RPS6KA2: variants seen among roughly 807,000 people sequenced by gnomAD.
The protein encoded by RPS6KA2 is ribosomal protein S6 kinase A2, also known as ribosomal protein S6 kinase alpha-2.
RPS6KA2 carries 42 observed loss-of-function variants against 91.8 expected under a neutral mutation model. The observed-to-expected ratio is 0.46, with a 90% CI of 0.36 to 0.59. The LOEUF is 0.59. RPS6KA2 is among the 20% of genes least tolerant of loss of function. The probability of loss-of-function intolerance (pLI) is 0.00; values close to 1 mark genes in which losing one functional copy is unlikely to be tolerated. For missense variants in RPS6KA2, 798 were observed against 978.5 expected, an observed-to-expected ratio of 0.82 and a Z score of 2.46; for synonymous variants, 414 against 393.6, an observed-to-expected ratio of 1.05 and a Z score of -0.61.
At position 166,418,732 on chromosome 6, in the gene RPS6KA2, T is replaced by G. The variant is rs571045920; in HGVS notation, c.1821-390A>C. On this transcript the variant is annotated intron_variant, in intron 18 of 20. Coordinates refer to ENST00000265678, the MANE Select transcript of RPS6KA2 (RefSeq NM_021135.6). This position sits in a 1 kb window ranked among gnomAD's most constrained non-coding sequence, Gnocchi z 4.9. Reference sequence around the variant, plus strand: ...CCCACGGTGGATGTATTCCCAACTCTGTGTTCTTTGACAAGTTAACTTTTT... The same window carrying G: ...CCCACGGTGGATGTATTCCCAACTCGGTGTTCTTTGACAAGTTAACTTTTT... Among the ~76,000 whole-genome samples the G allele has an allele frequency of 3.4e-4, 52 of 152,384 alleles. No homozygotes were observed. Among genetic ancestry groups the G allele is most frequent in the Non-Finnish European group, 5.1e-4 (35 of 68,032 alleles).
intron 11 of RPS6KA2, among the ~76,000 whole-genome samples, chr6:166,461,550 G>A (rs1780300834): frequency 8.2e-6 from 1 of 122,188 alleles, no homozygotes; most frequent in African/African-American, 3.0e-5. Flanking sequence ...GGGGGTGGGG[G>A]GAGAAAGAGA....
intron 8 of RPS6KA2, among the ~76,000 whole-genome samples, chr6:166,497,440 C>T (rs931277802): frequency 1.3e-5 from 2 of 152,240 alleles, no homozygotes; most frequent in African/African-American, 4.8e-5. Flanking sequence ...TGCGAACTGG[C>T]TTTCTGGGTT....
At chr6:166,543,330 C>T (rs775348872) in intron 1 of RPS6KA2, among the ~76,000 whole-genome samples, 6 of 152,180 alleles carry the variant, frequency 3.9e-5, no homozygotes, top group Non-Finnish European at 7.3e-5. Flanking sequence ...TCAGAATCAC[C>T]CCAAGGAACT....
chr6:166,619,853 G>C (rs754197862), intron 1 of RPS6KA2, among the ~76,000 whole-genome samples: 43 of 152,358 alleles, frequency 2.8e-4, no homozygotes, highest in Non-Finnish European at 5.9e-4. Flanking sequence ...CCTGGGCTGA[G>C]AGCATTAAAA....
At chr6:166,556,474 C>A (rs1226746570) in intron 1 of RPS6KA2, among the ~76,000 whole-genome samples, 2 of 152,198 alleles carry the variant, frequency 1.3e-5, no homozygotes, top group Non-Finnish European at 2.9e-5. Context: ...TGTAAGCACA[C>A]TAACCCTTCA....
intron 3 of RPS6KA2, among the ~76,000 whole-genome samples, chr6:166,520,039 A>G (rs1209796367): frequency 6.6e-6 from 1 of 152,138 alleles, no homozygotes; most frequent in African/African-American, 2.4e-5. Context: ...CAGCCCACTG[A>G]GGGCCAGAAT....
intron 2 of RPS6KA2, among the ~76,000 whole-genome samples, chr6:166,755,853 A>G (rs918959158): frequency 1.3e-5 from 2 of 152,194 alleles, no homozygotes; most frequent in Non-Finnish European, 2.9e-5. Context: ...GAGCTGGGTA[A>G]GGAGCTGGAA....
At chr6:166,615,262 C>A (rs186481538) in intron 1 of RPS6KA2, among the ~76,000 whole-genome samples, 1 of 152,200 alleles carries the variant, frequency 6.6e-6, no homozygotes, top group East Asian at 1.9e-4. Flanking sequence ...CTGAGCCATG[C>A]GACTCCCGCA....
chr6:166,713,244 C>G (rs1030856860), intron 2 of RPS6KA2, among the ~76,000 whole-genome samples: 31 of 152,232 alleles, frequency 2.0e-4, no homozygotes, highest in African/African-American at 7.2e-4. Context: ...ACTTGGATCT[C>G]CGGGTATCAG....
intron 11 of RPS6KA2, among the ~76,000 whole-genome samples, chr6:166,464,500 C>T (rs1163213129): frequency 6.6e-6 from 1 of 152,186 alleles, no homozygotes; most frequent in East Asian, 1.9e-4. Context: ...ACAAAGATGT[C>T]CCTCCCTGGT....
intron 2 of RPS6KA2, among the ~76,000 whole-genome samples, chr6:166,853,022 A>G (rs1780786732): frequency 6.6e-6 from 1 of 152,234 alleles, no homozygotes; most frequent in Admixed American, 6.5e-5. Flanking sequence ...CCACAAGGAA[A>G]TGAAGTGGAA....
At chr6:166,691,113 CGGG>C (rs1562385657) in intron 2 of RPS6KA2, among the ~76,000 whole-genome samples, 16 of 152,202 alleles carry the variant, frequency 1.1e-4, no homozygotes, top group African/African-American at 3.9e-4. Flanking sequence ...CAACTCATGC[CGGG>C]AGACCTGCGC....
At chr6:166,730,681 C>T (rs1320726811) in intron 2 of RPS6KA2, among the ~76,000 whole-genome samples, 1 of 152,076 alleles carries the variant, frequency 6.6e-6, no homozygotes, top group African/African-American at 2.4e-5. Context: ...TCCAAAAGTG[C>T]TTTTCATGAA....
intron 10 of RPS6KA2, among the ~76,000 whole-genome samples, chr6:166,486,388 TCCCATCTCATTGTCGCC>T (rs1781411309): frequency 6.6e-6 from 1 of 152,150 alleles, no homozygotes; most frequent in South Asian, 2.1e-4. Flanking sequence ...ATCCTGGGCC[TCCCATCTCATTGTCGCC>T]CCCAGCTGGC....
At position 166,418,807 on chromosome 6, in the gene RPS6KA2, T is replaced by C. The variant is rs371731501; in HGVS notation, c.1821-465A>G. On this transcript the variant is annotated intron_variant, in intron 18 of 20. Transcript: ENST00000265678. This position sits in a 1 kb window ranked among gnomAD's most constrained non-coding sequence, Gnocchi z 4.9. ...GTATGCACAAATACACATACATGCT[T>C]GGTGCAGCTCTGGCCATATTCCAAG... is the stretch of plus-strand genomic sequence containing the variant. 8.5e-5 allele frequency among the ~76,000 whole-genome samples: 13 copies of C among 152,380 alleles called. No individual in the cohort carries two copies. Among genetic ancestry groups the C allele is most frequent in the Middle Eastern group, 3.4e-3 (1 of 294 alleles).
At chr6:166,481,864 GA>G (rs1781233772) in intron 10 of RPS6KA2, among the ~76,000 whole-genome samples, 1 of 150,348 alleles carries the variant, frequency 6.7e-6, no homozygotes, top group Admixed American at 6.6e-5. Context: ...GCAGTGTGGA[GA>G]GCTCTGCTGA....
chr6:166,551,692 A>T (rs1784027326), intron 1 of RPS6KA2, among the ~76,000 whole-genome samples: 1 of 145,016 alleles, frequency 6.9e-6, no homozygotes, highest in African/African-American at 2.8e-5. Flanking sequence ...GCATTTTGTT[A>T]AAAAAAAAAT....
chr6:166,832,559 G>A (rs1419148969), intron 2 of RPS6KA2, among the ~76,000 whole-genome samples: 6 of 152,098 alleles, frequency 3.9e-5, no homozygotes, highest in Non-Finnish European at 7.4e-5. Flanking sequence ...TGGTAAGTCC[G>A]CTCATGTCAA....
chr6:166,516,278 C>T (rs905635304), intron 3 of RPS6KA2, among the ~76,000 whole-genome samples: 1 of 152,184 alleles, frequency 6.6e-6, no homozygotes, highest in African/African-American at 2.4e-5. Flanking sequence ...TTGATGAAAG[C>T]AAACCTGGAA....
Sources: gnomAD v4.1 joint callset for allele counts (sites outside exome capture counted in the v4.1 genomes callset) on GRCh38, gnomAD v4.1.1 for gene constraint, Gnocchi (gnomAD v3.1) non-coding constraint, MANE v1.5 for transcripts, NCBI Gene and HGNC (gene_info 2026-07-23, HGNC 2026-07-21) for gene names.